Variants in ADGRL3 observed in about 807,000 individuals in gnomAD.
ADGRL3 encodes the protein adhesion G protein-coupled receptor L3, also known as calcium-independent alpha-latrotoxin receptor 3.
Under a neutral mutation model 153.5 loss-of-function variants are expected in ADGRL3, and 62 were observed. That is an observed-to-expected ratio of 0.40 (90% confidence interval 0.33 to 0.50). ADGRL3 has a LOEUF of 0.50. ADGRL3 is among the 20% of genes least tolerant of loss of function. The pLI, the probability that ADGRL3 is intolerant of heterozygous loss-of-function variation, is 0.47. For synonymous variants in ADGRL3, 710 were observed against 672.5 expected (o/e 1.06, Z -0.86); for missense variants, 1,641 against 1,859.4 (o/e 0.88, Z 2.16).
chr4:61,770,192 G>A (rs1376058421), intron 8 of ADGRL3, among the ~76,000 whole-genome samples: 1 of 152,218 alleles, frequency 6.6e-6, no homozygotes, highest in African/African-American at 2.4e-5. Flanking sequence ...AATGGGACAA[G>A]TTAGGGTTAC....
At chr4:61,472,648 A>G (rs958480181) in intron 2 of ADGRL3, among the ~76,000 whole-genome samples, 1 of 152,058 alleles carries the variant, frequency 6.6e-6, no homozygotes, top group African/African-American at 2.4e-5. Flanking sequence ...ATAGAATGCA[A>G]TCATGAACCA....
At chr4:61,972,447 T>G (rs1216666329) in intron 17 of ADGRL3, among the ~76,000 whole-genome samples, 2 of 152,182 alleles carry the variant, frequency 1.3e-5, no homozygotes, top group Non-Finnish European at 2.9e-5. Flanking sequence ...TTGTCAGGTT[T>G]GTCAGAGATC....
chr4:61,989,023 T>C (rs1581765617), intron 19 of ADGRL3, among the ~76,000 whole-genome samples: 1 of 152,088 alleles, frequency 6.6e-6, no homozygotes, highest in Non-Finnish European at 1.5e-5. Context: ...AGAGTATCTT[T>C]CAAAGGGGTA....
intron 23 of ADGRL3, among the ~76,000 whole-genome samples, chr4:62,033,244 G>T (rs1442437425): frequency 6.6e-6 from 1 of 151,432 alleles, no homozygotes. Flanking sequence ...TGGTTCACAT[G>T]GCTTCTACTC....
At chr4:61,950,114 G>T (rs28402187) in intron 17 of ADGRL3, among the ~76,000 whole-genome samples, 2,961 of 152,100 alleles carry the variant, frequency 0.019, 115 homozygotes, top group African/African-American at 0.069. Context: ...CAAAACAATT[G>T]TCTTTATAAG....
intron 5 of ADGRL3, among the ~76,000 whole-genome samples, chr4:61,640,285 T>A (rs2093607145): frequency 2.0e-5 from 3 of 151,922 alleles, no homozygotes; most frequent in Admixed American, 2.0e-4. Context: ...TTGTAACAGG[T>A]GTTTTATGAG....
chr4:61,565,917 A>T (rs73822654), intron 4 of ADGRL3, among the ~76,000 whole-genome samples: 3,072 of 152,222 alleles, frequency 0.02, 87 homozygotes, highest in East Asian at 0.12. Flanking sequence ...TTGGGTTTTC[A>T]TAGATTACTA....
intron 4 of ADGRL3, among the ~76,000 whole-genome samples, chr4:61,546,985 A>G (rs1251126087): frequency 2.0e-5 from 3 of 152,212 alleles, no homozygotes; most frequent in African/African-American, 7.2e-5. Flanking sequence ...AGTTACAACC[A>G]TAGTTTGATA....
intron 25 of ADGRL3, among the ~76,000 whole-genome samples, chr4:62,060,686 A>G (rs1169563450): frequency 5.9e-5 from 9 of 151,942 alleles, no homozygotes; most frequent in African/African-American, 1.9e-4. Context: ...AATTTGTAGA[A>G]CATCAACAAT....
chr4:62,043,152 G>C (rs895874952), intron 24 of ADGRL3, among the ~76,000 whole-genome samples: 1 of 151,900 alleles, frequency 6.6e-6, no homozygotes, highest in East Asian at 1.9e-4. Context: ...TTTAATGACT[G>C]TATGGAGATT....
rs567632819 is a variant in ADGRL3, at chr4:61,968,929, CTT to C, written c.2806-10632_2806-10631del. ...ATGTCATCTGAAGTTTCATTAAAAT[CTT>C]TACAGAAATCAAGGAGATGATTTGA... On this transcript the variant is annotated intron_variant, in intron 17 of 26. Transcript: ENST00000683033. 8.2e-4 allele frequency among the ~76,000 whole-genome samples: 125 copies of C among 152,166 alleles called. 1 individual carries two copies. Among genetic ancestry groups the C allele is most frequent in the African/African-American group, 2.8e-3 (118 of 41,526 alleles).
At chr4:61,510,244 G>A (rs1323538569) in intron 3 of ADGRL3, among the ~76,000 whole-genome samples, 4 of 152,138 alleles carry the variant, frequency 2.6e-5, no homozygotes, top group Non-Finnish European at 5.9e-5. Context: ...CTTTTGCTGT[G>A]TGAAAGTTCT....
At chr4:61,568,024 A>G (rs974484993) in intron 4 of ADGRL3, among the ~76,000 whole-genome samples, 2 of 152,122 alleles carry the variant, frequency 1.3e-5, no homozygotes, top group African/African-American at 4.8e-5. Flanking sequence ...GAGTCTAATT[A>G]TTAATTCATT....
chr4:61,506,268 T>C (rs776086743), intron 3 of ADGRL3, among the ~76,000 whole-genome samples: 2 of 152,080 alleles, frequency 1.3e-5, no homozygotes, highest in African/African-American at 2.4e-5. Context: ...ATGGGGTCAT[T>C]AAAACATACC....
chr4:61,475,131 G>A (rs1053166588), intron 2 of ADGRL3, among the ~76,000 whole-genome samples: 1 of 152,128 alleles, frequency 6.6e-6, no homozygotes, highest in Non-Finnish European at 1.5e-5. Context: ...GTTATCCCAA[G>A]CTAGGAAATT....
chr4:61,261,234 G>A (rs1330423134), intron 1 of ADGRL3, among the ~76,000 whole-genome samples: 2 of 102,568 alleles, frequency 1.9e-5, no homozygotes, highest in Admixed American at 1.1e-4. Flanking sequence ...GTCTTGTTAT[G>A]TTCCCCAGGC....
chr4:61,395,811 C>T (rs1445862942), intron 2 of ADGRL3, among the ~76,000 whole-genome samples: 1 of 151,650 alleles, frequency 6.6e-6, no homozygotes, highest in Non-Finnish European at 1.5e-5. Flanking sequence ...CAATAAAATA[C>T]AAGGGAACAA....
intron 8 of ADGRL3, among the ~76,000 whole-genome samples, chr4:61,742,633 C>A (rs867225926): frequency 6.6e-6 from 1 of 152,134 alleles, no homozygotes; most frequent in Non-Finnish European, 1.5e-5. Context: ...GCTTGACAGG[C>A]AATAGTATGA....
At chr4:61,573,225 TA>T (rs531093066) in intron 4 of ADGRL3, among the ~76,000 whole-genome samples, 3 of 151,988 alleles carry the variant, frequency 2.0e-5, no homozygotes, top group Non-Finnish European at 4.4e-5. Flanking sequence ...GCCCTAATAT[TA>T]TATAATTTTG....
Sources: allele counts gnomAD v4.1 joint callset (sites outside exome capture counted in the v4.1 genomes callset), GRCh38; gene constraint gnomAD v4.1.1; transcripts MANE v1.5; gene names NCBI Gene and HGNC (gene_info 2026-07-23, HGNC 2026-07-21).